The following AK8 variants were observed in gnomAD, a reference collection of about 807,000 sequenced individuals.
AK8 encodes the protein ATP-AMP transphosphorylase 8.
Under a neutral mutation model 54.6 loss-of-function variants are expected in AK8, and 44 were observed. The observed-to-expected ratio is 0.81, with a 90% CI of 0.63 to 1.04. AK8 has a LOEUF of 1.04. Among genes scored for constraint, AK8 ranks in the 50% least tolerant of loss-of-function variants. The pLI is 0.00. For synonymous variants in AK8, 239 were observed against 245.6 expected (o/e 0.97, Z 0.25); for missense variants, 555 against 613.6 (o/e 0.90, Z 1.01).
intron 11 of AK8, among the ~76,000 whole-genome samples, chr9:132,780,445 G>T (rs1003862016): frequency 2.0e-5 from 3 of 152,138 alleles, no homozygotes; most frequent in African/African-American, 7.2e-5. Context: ...TGTGTGGAAG[G>T]TCTGTTTAGC....
chr9:132,840,401 G>GAC (rs1360328850), intron 5 of AK8, among the ~76,000 whole-genome samples: 4 of 105,266 alleles, frequency 3.8e-5, no homozygotes, highest in Non-Finnish European at 5.6e-5. Flanking sequence ...ATCCCAAGTG[G>GAC]ACACTCACAC....
At chr9:132,771,602 A>G (rs186762686) in intron 11 of AK8, among the ~76,000 whole-genome samples, 120 of 152,330 alleles carry the variant, frequency 7.9e-4, no homozygotes, top group Non-Finnish European at 1.4e-3. Flanking sequence ...AATGAAGGTA[A>G]GCTGGAGAGT....
chr9:132,808,759 C>A (rs1053548372), intron 10 of AK8, among the ~76,000 whole-genome samples: 2 of 152,198 alleles, frequency 1.3e-5, no homozygotes, highest in African/African-American at 4.8e-5. Flanking sequence ...GGGCACGCAG[C>A]TCCAAGGTGA....
chr9:132,842,184 G>A (rs1351962855), intron 5 of AK8, among the ~76,000 whole-genome samples: 1 of 152,180 alleles, frequency 6.6e-6, no homozygotes, highest in Non-Finnish European at 1.5e-5. Context: ...TAGGGCATCC[G>A]GATGTGACTG....
At chr9:132,732,612 G>A (rs78400185) in intron 11 of AK8, among the ~76,000 whole-genome samples, 4,625 of 152,140 alleles carry the variant, frequency 0.03, 224 homozygotes, top group African/African-American at 0.11. Flanking sequence ...TTCTGATGAA[G>A]CTGAAAAGGC....
intron 5 of AK8, among the ~76,000 whole-genome samples, chr9:132,840,756 G>C (rs1444834405): frequency 6.6e-6 from 1 of 152,084 alleles, no homozygotes; most frequent in Non-Finnish European, 1.5e-5. Context: ...AGTCAGTTGT[G>C]GTGGCACACG....
At chr9:132,752,733 A>T (rs879745712) in intron 11 of AK8, among the ~76,000 whole-genome samples, 1 of 40,082 alleles carries the variant, frequency 2.5e-5, no homozygotes, top group African/African-American at 9.2e-5. Flanking sequence ...CACCCACCCC[A>T]CCTGCAGAAC....
chr9:132,830,119 C>T (rs1294078524), intron 5 of AK8, among the ~76,000 whole-genome samples: 3 of 152,140 alleles, frequency 2.0e-5, no homozygotes, highest in Non-Finnish European at 2.9e-5. Context: ...ATTTCATGAA[C>T]GTTTTCCCAT....
rs900210909 is a variant in AK8 at position 132,770,566 on chromosome 9, G to A, written c.1121+22068C>T. 4.6e-5 allele frequency among the ~76,000 whole-genome samples: 7 copies of A among 152,218 alleles called. No individual in the cohort carries two copies. Among genetic ancestry groups the A allele is most frequent in the Admixed American group, 3.3e-4 (5 of 15,288 alleles). On this transcript the variant is annotated intron_variant, in intron 11 of 12. Coordinates refer to ENST00000298545, the MANE Select transcript of AK8 (RefSeq NM_152572.3). The surrounding 1 kb of genome is among the most constrained non-coding windows in gnomAD (Gnocchi z 4.3). ...CCTGGCTGTAACCTGAGCAGCCCGCGTGAGGGTCAGTGGTGACTTCCGGGA... is the reference window on the plus strand; with the variant it reads ...CCTGGCTGTAACCTGAGCAGCCCGCATGAGGGTCAGTGGTGACTTCCGGGA...
chr9:132,741,241 C>T (rs1472049790), intron 11 of AK8, among the ~76,000 whole-genome samples: 1 of 152,226 alleles, frequency 6.6e-6, no homozygotes, highest in Non-Finnish European at 1.5e-5. Context: ...GGCCTGTGTC[C>T]GAATCCCCCC....
chr9:132,815,622 C>G (rs1320001163), intron 9 of AK8, among the ~76,000 whole-genome samples: 2 of 152,188 alleles, frequency 1.3e-5, no homozygotes, highest in Non-Finnish European at 2.9e-5. Flanking sequence ...GGCGGCTGCC[C>G]CGCTCTGGAC....
At chr9:132,809,976 G>T (rs1369578119) in intron 10 of AK8, among the ~76,000 whole-genome samples, 1 of 152,236 alleles carries the variant, frequency 6.6e-6, no homozygotes, top group Admixed American at 6.5e-5. Context: ...TCCTGTTTCA[G>T]CTGGCGGTGA....
At chr9:132,737,815 G>A (rs925459627) in intron 11 of AK8, among the ~76,000 whole-genome samples, 1 of 152,134 alleles carries the variant, frequency 6.6e-6, no homozygotes, top group Non-Finnish European at 1.5e-5. Context: ...TGAGAACAAG[G>A]CAAGAATGTC....
chr9:132,795,716 T>C (rs1840141903), intron 10 of AK8, among the ~76,000 whole-genome samples: 1 of 152,026 alleles, frequency 6.6e-6, no homozygotes, highest in South Asian at 2.1e-4. Flanking sequence ...GCTCCTGAAG[T>C]TCACGCTGTC....
At chr9:132,861,435 T>C (rs1843385216) in intron 4 of AK8, 1 of 152,210 alleles carries the variant, frequency 6.6e-6, no homozygotes, top group Non-Finnish European at 1.5e-5. Flanking sequence ...CTGGCTCCCA[T>C]ACCCTGGCTT....
intron 11 of AK8, among the ~76,000 whole-genome samples, chr9:132,763,876 G>T (rs1838600912): frequency 6.6e-6 from 1 of 152,184 alleles, no homozygotes; most frequent in Admixed American, 6.5e-5. Flanking sequence ...TATTAAAAGG[G>T]AAGTTTATAG....
rs903767730 is a variant in AK8, at chr9:132,837,352, A to C, written c.403-8626T>G. 1.3e-5 allele frequency among the ~76,000 whole-genome samples: 2 copies of C among 148,184 alleles called. No homozygotes were observed. The highest frequency in any genetic ancestry group is 2.5e-5 in the African/African-American group (1 of 40,420). On this transcript the variant is annotated intron_variant, in intron 5 of 12. Transcript: ENST00000298545. The surrounding 1 kb of genome is among the most constrained non-coding windows in gnomAD (Gnocchi z 4.3). ...AAAAAAAAAAAAGAATGAAAGAATG[A>C]GGAGTTGGCCCCCTTCTGCTCTGCC...
At chr9:132,878,825 C>G, upstream of AK8, 8 of 961,396 alleles carry the variant, frequency 8.3e-6, no homozygotes, top group Non-Finnish European at 9.9e-6. The surrounding 1 kb of genome is among the most constrained non-coding windows in gnomAD (Gnocchi z 4.7). Flanking sequence ...CCAAGTGACC[C>G]GATTGCTATG....
In AK8 at chr9:132,878,232, G is replaced by A. The variant is rs1173845387; in HGVS notation, c.24C>T (p.His8=). The change falls in exon 1 of 13, where the codon CAC becomes CAT. Residue 8 remains histidine, a synonymous_variant. Coordinates refer to ENST00000298545, the MANE Select transcript of AK8 (RefSeq NM_152572.3). The surrounding 1 kb of genome is among the most constrained non-coding windows in gnomAD (Gnocchi z 4.7). MDATIAP[H]RIPPEMPQYG... The stretch of plus-strand genomic sequence containing the variant: ...ACTGGGGCATCTCGGGGGGGATACG[G>A]TGCGGGGCGATAGTGGCGTCCATGT... The A allele has an allele frequency of 2.8e-6, 4 of 1,434,280 alleles. No homozygotes were observed. In the East Asian group the frequency reaches 1.0e-4, roughly 37 times the overall value. The allele number at this position is 1,434,280 out of a possible 1,614,324, so 88.8% of individuals were successfully genotyped here. A position where few individuals can be genotyped will look rare whatever the true frequency, so the allele number is the denominator to read the frequency against.
Sources: gnomAD v4.1 joint callset for allele counts (sites outside exome capture counted in the v4.1 genomes callset) on GRCh38, gnomAD v4.1.1 for gene constraint, Gnocchi (gnomAD v3.1) non-coding constraint, MANE v1.5 for transcripts, NCBI Gene and HGNC (gene_info 2026-07-23, HGNC 2026-07-21) for gene names.